Variants in ZNF469 observed in about 807,000 individuals in gnomAD.
ZNF469 encodes zinc finger protein 469.
In ZNF469, 1 loss-of-function variant was observed where a neutral mutation model predicts 1.0. That is an observed-to-expected ratio of 1.00 (90% CI 0.35 to 4.73). The LOEUF (loss-of-function observed/expected upper bound fraction) is 4.73. Ranked by LOEUF, ZNF469 falls within the 30% of genes most tolerant of loss-of-function variation. The probability of loss-of-function intolerance (pLI) is 0.16; values close to 1 mark genes in which losing one functional copy is unlikely to be tolerated. For synonymous variants in ZNF469, 2,703 were observed against 2,363.4 expected, an observed-to-expected ratio of 1.14 and a Z score of -4.17; for missense variants, 6,100 against 5,356.3, an observed-to-expected ratio of 1.14 and a Z score of -4.33.
the ZNF469 span, among the ~76,000 whole-genome samples, chr16:88,343,122 G>A: frequency 6.6e-6 from 1 of 152,208 alleles, no homozygotes; most frequent in Non-Finnish European, 1.5e-5. Flanking sequence ...AGCACATGGG[G>A]ACTGAGAAGC....
chr16:88,308,986 C>A, the ZNF469 span, among the ~76,000 whole-genome samples: 2 of 152,172 alleles, frequency 1.3e-5, no homozygotes, highest in Non-Finnish European at 1.5e-5. Context: ...AGTGGCCCTG[C>A]TGAGCCACCG....
chr16:88,173,511 TCAG>T, the ZNF469 span, among the ~76,000 whole-genome samples: 8 of 152,166 alleles, frequency 5.3e-5, no homozygotes, highest in East Asian at 1.2e-3. Context: ...TTTTCTTCTT[TCAG>T]CAGAAGAAAA....
chr16:88,145,479 T>G, the ZNF469 span, among the ~76,000 whole-genome samples: 1 of 152,264 alleles, frequency 6.6e-6, no homozygotes, highest in African/African-American at 2.4e-5. Flanking sequence ...GCCTCGTGCT[T>G]GGCCGCTGTT....
chr16:88,361,576 C>G, the ZNF469 span, among the ~76,000 whole-genome samples: 1 of 152,124 alleles, frequency 6.6e-6, no homozygotes. Flanking sequence ...ATTTTCTGTT[C>G]TAATTCTTTA....
chr16:88,289,696 G>C, the ZNF469 span, among the ~76,000 whole-genome samples: 54 of 152,324 alleles, frequency 3.5e-4, no homozygotes, highest in East Asian at 5.8e-3. Flanking sequence ...ACTACAGAGA[G>C]AGGGTGCGTA....
the ZNF469 span, among the ~76,000 whole-genome samples, chr16:88,185,734 G>A: frequency 3.7e-3 from 448 of 122,532 alleles, 3 homozygotes; most frequent in African/African-American, 0.012. Flanking sequence ...GCATACACAC[G>A]CATACACACT....
At chr16:88,392,742 T>C (rs1904525360) in intron 1 of ZNF469, among the ~76,000 whole-genome samples, 1 of 152,228 alleles carries the variant, frequency 6.6e-6, no homozygotes, top group Non-Finnish European at 1.5e-5. Flanking sequence ...ACCATTTTGC[T>C]CTTGCTATTC....
chr16:88,271,423 T>C, the ZNF469 span, among the ~76,000 whole-genome samples: 2 of 135,042 alleles, frequency 1.5e-5, 1 homozygote, highest in Non-Finnish European at 3.4e-5. Flanking sequence ...GACAGAGGCA[T>C]GAAGTGTGGG....
At chr16:88,155,170 T>G in the ZNF469 span, among the ~76,000 whole-genome samples, 2 of 152,152 alleles carry the variant, frequency 1.3e-5, no homozygotes, top group Non-Finnish European at 2.9e-5. Flanking sequence ...ACACAGAGCC[T>G]GCAAGTCCAG....
At chr16:88,227,853 G>T in the ZNF469 span, among the ~76,000 whole-genome samples, 5 of 152,142 alleles carry the variant, frequency 3.3e-5, no homozygotes, top group African/African-American at 1.2e-4. Flanking sequence ...CGTCCTCGGC[G>T]TTCCCCGGCA....
chr16:88,352,718 C>T, the ZNF469 span, among the ~76,000 whole-genome samples: 2 of 152,214 alleles, frequency 1.3e-5, no homozygotes. Flanking sequence ...TGGAAGATTT[C>T]GAGGCTACAG....
At chr16:88,150,964 T>C in the ZNF469 span, among the ~76,000 whole-genome samples, 1 of 152,070 alleles carries the variant, frequency 6.6e-6, no homozygotes, top group Non-Finnish European at 1.5e-5. Context: ...GCCATGGAGT[T>C]TGAAAGTATC....
chr16:88,111,027 GCAGT>G, the ZNF469 span, among the ~76,000 whole-genome samples: 1 of 152,266 alleles, frequency 6.6e-6, no homozygotes, highest in Non-Finnish European at 1.5e-5. Context: ...CGTGGCGCTT[GCAGT>G]CAGTGTCGAA....
At chr16:88,347,901 C>T in the ZNF469 span, among the ~76,000 whole-genome samples, 1 of 152,220 alleles carries the variant, frequency 6.6e-6, no homozygotes, top group African/African-American at 2.4e-5. Context: ...AGGGGTGCCC[C>T]ATGACCCCTG....
chr16:88,255,211 A>C, the ZNF469 span, among the ~76,000 whole-genome samples: 1 of 152,238 alleles, frequency 6.6e-6, no homozygotes, highest in African/African-American at 2.4e-5. Context: ...TGCAGGCTGC[A>C]TATGTTGCAG....
chr16:88,379,311 CT>C (rs2092515546), upstream of ZNF469, among the ~76,000 whole-genome samples: 1 of 152,138 alleles, frequency 6.6e-6, no homozygotes, highest in African/African-American at 2.4e-5. Context: ...CAGTTTCCTC[CT>C]GGAAAGCAGG....
chr16:88,117,495 T>C, the ZNF469 span, among the ~76,000 whole-genome samples: 11 of 152,076 alleles, frequency 7.2e-5, no homozygotes, highest in African/African-American at 2.7e-4. Context: ...AGCCACTGAC[T>C]GCCTAGAAGA....
Position 88,433,810 on chromosome 16 carries a change from GC to G in ZNF469, c.6345del (p.Ser2116HisfsTer84). On this transcript the variant is annotated frameshift_variant, in exon 3 of 3. Transcript: ENST00000565624. LOFTEE classifies it low-confidence loss of function (END_TRUNC). ...CTCTGTCGGGGACCTGGCCGCCTGC[GC>G]CCCCTCACCCACTTCAGCCGCCCAC... ...APSVGDLAAC[A>X]PSPTSAAHMP... 6.5e-7 allele frequency: 1 copy of G among 1,549,686 alleles called. No homozygotes were observed. The highest frequency in any genetic ancestry group is 8.7e-7 in the Non-Finnish European group (1 of 1,146,792).
intron 2 of ZNF469, among the ~76,000 whole-genome samples, chr16:88,425,321 G>A (rs115152048): frequency 0.012 from 1,869 of 152,304 alleles, 46 homozygotes; most frequent in African/African-American, 0.042. Context: ...CTCTGGCCAT[G>A]GGTAGGGGGG....
Sources: allele counts gnomAD v4.1 joint callset (sites outside exome capture counted in the v4.1 genomes callset), GRCh38; gene constraint gnomAD v4.1.1; transcripts MANE v1.5; gene names NCBI Gene and HGNC (gene_info 2026-07-23, HGNC 2026-07-21).